The following MTUS2 variants were observed in gnomAD, a reference collection of about 807,000 sequenced individuals.
The protein encoded by MTUS2 is microtubule associated scaffold protein 2.
A neutral mutation model predicts 114.1 loss-of-function variants in MTUS2; 40 were observed. The ratio of observed to expected loss-of-function variants is 0.35; its 90% CI spans 0.27 to 0.46. MTUS2 has a LOEUF of 0.46. Ranked by LOEUF, MTUS2 falls within the 20% of genes least tolerant of loss-of-function variation. The pLI, the probability that MTUS2 is intolerant of heterozygous loss-of-function variation, is 1.00. For missense variants in MTUS2, 1,679 were observed against 1,705.4 expected (o/e 0.98, Z 0.27); for synonymous variants, 688 against 672.0 (o/e 1.02, Z -0.37).
chr13:29,008,311 G>C (rs1350825302), intron 2 of MTUS2, among the ~76,000 whole-genome samples: 1 of 152,268 alleles, frequency 6.6e-6, no homozygotes, highest in East Asian at 1.9e-4. Context: ...TCAGAGAAGA[G>C]TTCCAAAACC....
chr13:29,185,568 A>G (rs1453338768), intron 5 of MTUS2, among the ~76,000 whole-genome samples: 1 of 152,160 alleles, frequency 6.6e-6, no homozygotes, highest in Non-Finnish European at 1.5e-5. Flanking sequence ...ATCCTCAGTA[A>G]TGTTAACAGC....
rs139428495 is a variant in MTUS2, at chr13:28,859,149, A to G, written c.-243+19299A>G. ...ATAACATCCTGAATTAGGTGTTGCT[A>G]GCTGCATTTTACAGAAGGAGAAGTT... On this transcript the variant is annotated intron_variant, in intron 2 of 15. Transcript: ENST00000612955. 2.6e-4 allele frequency among the ~76,000 whole-genome samples: 40 copies of G among 152,228 alleles called. No individual in the cohort carries two copies. The East Asian group carries it at 6.0e-3, about 23-fold the overall frequency.
At chr13:28,943,772 G>C (rs936496965) in intron 2 of MTUS2, among the ~76,000 whole-genome samples, 4 of 152,154 alleles carry the variant, frequency 2.6e-5, no homozygotes, top group Non-Finnish European at 5.9e-5. Context: ...GGATGCATAG[G>C]GAGGAAGCTG....
intron 2 of MTUS2, among the ~76,000 whole-genome samples, chr13:28,866,852 G>A (rs923891895): frequency 6.6e-6 from 1 of 151,690 alleles, no homozygotes; most frequent in Non-Finnish European, 1.5e-5. Flanking sequence ...CATCCTCCTC[G>A]AAATATATAT....
At chr13:29,139,501 A>G (rs1892124930) in intron 5 of MTUS2, among the ~76,000 whole-genome samples, 1 of 152,214 alleles carries the variant, frequency 6.6e-6, no homozygotes, top group Non-Finnish European at 1.5e-5. Flanking sequence ...TGAGATGTTT[A>G]TTATGATGCT....
chr13:28,976,238 A>G (rs1884098465), intron 2 of MTUS2, among the ~76,000 whole-genome samples: 1 of 109,672 alleles, frequency 9.1e-6, no homozygotes, highest in Non-Finnish European at 1.8e-5. Context: ...AAGAAGAAAA[A>G]AAGAATTAGA....
intron 2 of MTUS2, among the ~76,000 whole-genome samples, chr13:28,878,292 T>TAC (rs928041578): frequency 2.6e-5 from 4 of 151,268 alleles, no homozygotes; most frequent in Non-Finnish European, 3.0e-5. Flanking sequence ...TGTATGTGTG[T>TAC]ACACACACAC....
intron 11 of MTUS2, among the ~76,000 whole-genome samples, chr13:29,490,855 G>T (rs1368704064): frequency 6.6e-6 from 1 of 152,272 alleles, no homozygotes; most frequent in East Asian, 1.9e-4. Flanking sequence ...CCTGGGAGGG[G>T]AAGAAAATAG....
intron 5 of MTUS2, among the ~76,000 whole-genome samples, chr13:29,114,929 A>G (rs535662396): frequency 6.6e-6 from 1 of 152,338 alleles, no homozygotes; most frequent in South Asian, 2.1e-4. Flanking sequence ...AGGTAACTTT[A>G]TTTCTGTGGC....
chr13:28,988,770 G>A (rs973324495), intron 2 of MTUS2, among the ~76,000 whole-genome samples: 29 of 152,120 alleles, frequency 1.9e-4, no homozygotes, highest in African/African-American at 6.8e-4. Context: ...TTCTTCAGAG[G>A]AAGCATTTTT....
At chr13:29,213,537 T>A (rs1174353954) in intron 5 of MTUS2, among the ~76,000 whole-genome samples, 2 of 152,242 alleles carry the variant, frequency 1.3e-5, no homozygotes, top group Non-Finnish European at 2.9e-5. Context: ...ATATAAAGTT[T>A]TAGTTTTATC....
chr13:29,102,289 T>C (rs977819987), intron 5 of MTUS2, among the ~76,000 whole-genome samples: 2 of 152,204 alleles, frequency 1.3e-5, no homozygotes, highest in African/African-American at 4.8e-5. Context: ...GTTTCTTTTT[T>C]AGAGAAAGTA....
chr13:29,084,317 T>C (rs1055759331), intron 4 of MTUS2, among the ~76,000 whole-genome samples: 2 of 152,000 alleles, frequency 1.3e-5, no homozygotes, highest in Admixed American at 1.3e-4. Context: ...TCCTGTCTCA[T>C]ATCTGGTTGC....
At chr13:29,177,360 C>A (rs1464778965) in intron 5 of MTUS2, among the ~76,000 whole-genome samples, 1 of 150,604 alleles carries the variant, frequency 6.6e-6, no homozygotes, top group African/African-American at 2.5e-5. Flanking sequence ...ATAAAAAATA[C>A]TGAAAAGAAG....
chr13:28,854,613 G>A (rs1221219760), intron 2 of MTUS2, among the ~76,000 whole-genome samples: 1 of 152,080 alleles, frequency 6.6e-6, no homozygotes, highest in Non-Finnish European at 1.5e-5. Flanking sequence ...CTCTTAAAAA[G>A]CCTTGAAAAA....
At chr13:28,968,658 T>G (rs971911054) in intron 2 of MTUS2, among the ~76,000 whole-genome samples, 6 of 152,180 alleles carry the variant, frequency 3.9e-5, no homozygotes, top group African/African-American at 1.2e-4. Flanking sequence ...CATGTCCTAT[T>G]TATGAGTTTT....
chr13:29,003,446 G>C (rs1471326607), intron 2 of MTUS2, among the ~76,000 whole-genome samples: 1 of 152,132 alleles, frequency 6.6e-6, no homozygotes, highest in Non-Finnish European at 1.5e-5. Flanking sequence ...TCTCCTATAT[G>C]CTTCTTCCAC....
chr13:29,432,178 C>T (rs950334787), intron 8 of MTUS2, among the ~76,000 whole-genome samples: 3 of 151,988 alleles, frequency 2.0e-5, no homozygotes, highest in Non-Finnish European at 4.4e-5. Flanking sequence ...TAAACTTGAG[C>T]TAAATAAAAA....
At chr13:29,241,490 T>C (rs551195449) in intron 5 of MTUS2, among the ~76,000 whole-genome samples, 4 of 152,230 alleles carry the variant, frequency 2.6e-5, no homozygotes, top group African/African-American at 9.6e-5. Context: ...GACTCTCTCA[T>C]CCTTCTCAAG....
Sources: allele counts gnomAD v4.1 joint callset (sites outside exome capture counted in the v4.1 genomes callset), GRCh38; gene constraint gnomAD v4.1.1; transcripts MANE v1.5; gene names NCBI Gene and HGNC (gene_info 2026-07-23, HGNC 2026-07-21).